FMNL3: variants seen among roughly 807,000 people sequenced by gnomAD.
FMNL3 encodes the protein formin-like protein 3.
A neutral mutation model predicts 119.6 loss-of-function variants in FMNL3; 57 were observed. That is an observed-to-expected ratio of 0.48 (90% CI 0.39 to 0.59). FMNL3 has a LOEUF of 0.59. FMNL3 is among the 20% of genes least tolerant of loss of function. The pLI is 0.00. For missense variants in FMNL3, 1,053 were observed against 1,323.5 expected (o/e 0.80, Z 3.17); for synonymous variants, 491 against 507.3 (o/e 0.97, Z 0.43).
At chr12:49,650,060 G>A (rs566069188) in intron 17 of FMNL3, 135 bp from the exon 18 acceptor site, 15 of 701,326 alleles carry the variant, frequency 2.1e-5, no homozygotes, top group Non-Finnish European at 3.3e-5. Flanking sequence ...AGGACCCATT[G>A]CATCATCTGT....
chr12:49,637,562 T>C lies in FMNL3; in HGVS notation c.*8253A>G, dbSNP rs1236037243. The C allele has an allele frequency of 6.2e-7, 1 of 1,613,700 alleles. No individual in the cohort carries two copies. The highest frequency in any genetic ancestry group is 8.5e-7 in the Non-Finnish European group (1 of 1,180,026). On this transcript the variant is annotated 3_prime_UTR_variant, in exon 26 of 26. Transcript: ENST00000335154. ...CAGCAGTCAGCACTGATGTCCGCTT[T>C]GCCAACATGCTGGGCCAGCCGGGTA...
In FMNL3 at chr12:49,665,743, G is replaced by A. The variant is rs1029654038; in HGVS notation, c.368+89C>T. 7.4e-6 allele frequency: 10 copies of A among 1,355,088 alleles called. No individual in the cohort carries two copies. In the African/African-American group the frequency reaches 1.4e-4, roughly 19 times the overall value. 83.9% of individuals were successfully genotyped at this position (1,355,088 alleles called of 1,614,324 possible). The stretch of plus-strand genomic sequence containing the variant: ...GCCCCATGGCAGGGAAGATGAACAG[G>A]AACACCATCCTCAGAGGACACCAGA... On this transcript the variant is annotated intron_variant, in intron 4 of 25. Coordinates refer to ENST00000335154, the MANE Select transcript of FMNL3 (RefSeq NM_175736.5).
intron 1 of FMNL3, among the ~76,000 whole-genome samples, chr12:49,693,166 T>C (rs1944651437): frequency 6.6e-6 from 1 of 152,206 alleles, no homozygotes; most frequent in African/African-American, 2.4e-5. Context: ...TGATGCTATT[T>C]AATTTATATT....
chr12:49,637,314 C>T lies in FMNL3; in HGVS notation c.*8501G>A. 2 of 617,640 alleles carry T rather than the reference C, an allele frequency of 3.2e-6. No individual in the cohort carries two copies. The highest frequency in any genetic ancestry group is 3.8e-5 in the South Asian group (2 of 52,070). The allele number at this position is 617,640 out of a possible 1,614,324, so 38.3% of individuals were successfully genotyped here. ...TCTCTCTTTTTGCATTGTTCTCAGC[C>T]TTCCATCTGCATCTCTTCATCTCTG... On this transcript the variant is annotated 3_prime_UTR_variant, in exon 26 of 26. Transcript: ENST00000335154.
At chr12:49,658,191 G>A (rs1458785653) in intron 6 of FMNL3, among the ~76,000 whole-genome samples, 2 of 152,184 alleles carry the variant, frequency 1.3e-5, no homozygotes, top group Non-Finnish European at 2.9e-5. Flanking sequence ...AGAGAGGGGT[G>A]AGGAATGGGG....
chr12:49,638,002 G>C lies in FMNL3; in HGVS notation c.*7813C>G, dbSNP rs1565840657. On this transcript the variant is annotated 3_prime_UTR_variant, in exon 26 of 26. Coordinates refer to ENST00000335154, the MANE Select transcript of FMNL3 (RefSeq NM_175736.5). ...AATGAATACACAATTTCTACCACAG[G>C]AGCTCATGGTCTAATAGGAAGATAT... is the stretch of plus-strand genomic sequence containing the variant. 1.7e-5 allele frequency: 10 copies of C among 593,838 alleles called. No individual in the cohort carries two copies. Among genetic ancestry groups the C allele is most frequent in the Non-Finnish European group, 3.0e-5 (10 of 333,168 alleles). 36.8% of individuals were successfully genotyped at this position (593,838 alleles called of 1,614,324 possible).
intron 1 of FMNL3, 100 bp downstream of exon 1, chr12:49,706,955 T>C (rs1592708270): frequency 1.0e-5 from 14 of 1,362,720 alleles, no homozygotes; most frequent in Non-Finnish European, 1.4e-5. Context: ...GGACCCCGAC[T>C]GAAAGGGTGG....
At chr12:49,698,016 A>G (rs1944798652) in intron 1 of FMNL3, among the ~76,000 whole-genome samples, 2 of 152,208 alleles carry the variant, frequency 1.3e-5, no homozygotes, top group South Asian at 4.1e-4. Flanking sequence ...TGTAAAAACA[A>G]GAACAGAAAC....
chr12:49,653,994 C>G, intron 11 of FMNL3, 120 bp from the exon 12 acceptor site: 1 of 1,384,448 alleles, frequency 7.2e-7, no homozygotes, highest in South Asian at 1.4e-5. Context: ...GTTCCTGCTG[C>G]AGGCCATGTC....
chr12:49,651,826 G>C (rs1943411674), intron 14 of FMNL3, 107 bp downstream of exon 14: 2 of 1,447,612 alleles, frequency 1.4e-6, no homozygotes, highest in Non-Finnish European at 1.8e-6. Flanking sequence ...CAAGTCCTCA[G>C]ATAATGCCAT....
In FMNL3 at chr12:49,644,065, C is replaced by CA. The variant is rs1943029368; in HGVS notation, c.*1749dup. On this transcript the variant is annotated 3_prime_UTR_variant, in exon 26 of 26. Coordinates refer to ENST00000335154, the MANE Select transcript of FMNL3 (RefSeq NM_175736.5). ...GGTCAAGCTTCCACGGCCCTTAGTG[C>CA]AGGCTAAGGGTGAACTGTGCCTTTG... 6.2e-7 allele frequency: 1 copy of CA among 1,613,788 alleles called. No individual in the cohort carries two copies. The highest frequency in any genetic ancestry group is 1.7e-5 in the Admixed American group (1 of 60,010).
intron 1 of FMNL3, among the ~76,000 whole-genome samples, chr12:49,703,169 C>T (rs1043095236): frequency 2.6e-5 from 4 of 152,122 alleles, no homozygotes; most frequent in African/African-American, 9.7e-5. Context: ...TGTAGTAAAT[C>T]AACAAAGAGA....
chr12:49,636,920 G>GC lies in FMNL3; in HGVS notation c.*8894dup. On this transcript the variant is annotated 3_prime_UTR_variant, in exon 26 of 26. Transcript: ENST00000335154. ...AGCACAACCTCTTCACCCATTCCCT[G>GC]CCCCCTTCTGGATACGCTGCCTGTT... 6.2e-7 allele frequency: 1 copy of GC among 1,601,958 alleles called. No homozygotes were observed. The highest frequency in any genetic ancestry group is 1.1e-5 in the South Asian group (1 of 90,548).
At chr12:49,658,698 G>A in intron 5 of FMNL3, 104 bp from the exon 6 acceptor site, 2 of 1,341,674 alleles carry the variant, frequency 1.5e-6, no homozygotes, top group Non-Finnish European at 2.0e-6. Flanking sequence ...AGGCCTCTAG[G>A]GCAACAAGCA....
Position 49,643,757 on chromosome 12 carries a change from G to A in FMNL3, c.*2058C>T. ...AAGAAGAGAAGACACAAGTCGGTGA[G>A]TGAAGGAACTTCTACCTAAGCCCCT... is the stretch of plus-strand genomic sequence containing the variant. On this transcript the variant is annotated 3_prime_UTR_variant, in exon 26 of 26. Coordinates refer to ENST00000335154, the MANE Select transcript of FMNL3 (RefSeq NM_175736.5). 6.2e-7 allele frequency: 1 copy of A among 1,613,998 alleles called. No homozygotes were observed. Among genetic ancestry groups the A allele is most frequent in the Non-Finnish European group, 8.5e-7 (1 of 1,179,984 alleles).
At chr12:49,699,743 AAC>A (rs1944850915) in intron 1 of FMNL3, among the ~76,000 whole-genome samples, 1 of 152,250 alleles carries the variant, frequency 6.6e-6, no homozygotes, top group Non-Finnish European at 1.5e-5. Context: ...ATAAATCCCC[AAC>A]AGAGAGCAAA....
chr12:49,657,890 T>A (rs961333602), intron 6 of FMNL3, among the ~76,000 whole-genome samples: 2 of 152,010 alleles, frequency 1.3e-5, no homozygotes, highest in Non-Finnish European at 2.9e-5. Flanking sequence ...AGTCATCCAG[T>A]CCATCCGCCT....
At position 49,641,470 on chromosome 12, in the gene FMNL3, G is replaced by GA. The variant is rs1194836372; in HGVS notation, c.*4344dup. The GA allele has an allele frequency of 1.2e-5, 2 of 165,674 alleles. No homozygotes were observed. The highest frequency in any genetic ancestry group is 3.4e-4 in the East Asian group (2 of 5,956). 10.3% of individuals were successfully genotyped at this position (165,674 alleles called of 1,614,324 possible). A position where few individuals can be genotyped will look rare whatever the true frequency, so the allele number is the denominator to read the frequency against. The stretch of plus-strand genomic sequence containing the variant: ...AAATGTAGAACCAAGAGGATTAAAT[G>GA]AGATAATGTGTGAAACACTCATCAT... On this transcript the variant is annotated 3_prime_UTR_variant, in exon 26 of 26. Transcript: ENST00000335154.
chr12:49,646,452 C>T (rs1943191238), intron 25 of FMNL3, among the ~76,000 whole-genome samples: 1 of 152,196 alleles, frequency 6.6e-6, no homozygotes, highest in Non-Finnish European at 1.5e-5. Flanking sequence ...GACCACTTCC[C>T]TAAGGACACA....
Sources: gnomAD v4.1 joint callset for allele counts (sites outside exome capture counted in the v4.1 genomes callset) on GRCh38, gnomAD v4.1.1 for gene constraint, MANE v1.5 for transcripts, NCBI Gene and HGNC (gene_info 2026-07-23, HGNC 2026-07-21) for gene names.